The following TRIM14 variants were observed in gnomAD, a reference collection of about 807,000 sequenced individuals.
TRIM14 encodes tripartite motif containing 14.
A neutral mutation model predicts 44.5 loss-of-function variants in TRIM14; 28 were observed. The ratio of observed to expected loss-of-function variants is 0.63; its 90% confidence interval spans 0.47 to 0.86. The LOEUF is 0.86. Ranked by LOEUF, TRIM14 falls within the 40% of genes least tolerant of loss-of-function variation. The pLI, the probability that TRIM14 is intolerant of heterozygous loss-of-function variation, is 0.00. For missense variants in TRIM14, 607 were observed against 611.1 expected, an observed-to-expected ratio of 0.99 and a Z score of 0.07; for synonymous variants, 299 against 269.2, an observed-to-expected ratio of 1.11 and a Z score of -1.08.
At chr9:98,037,103 C>T in the TRIM14 span, among the ~76,000 whole-genome samples, 2 of 151,870 alleles carry the variant, frequency 1.3e-5, no homozygotes, top group East Asian at 3.9e-4. Context: ...AGGGGCCGGG[C>T]ACGGTGGCTC....
At position 98,087,895 on chromosome 9, in the gene TRIM14, C is replaced by T; in HGVS notation, c.904G>A (p.Val302Met). The T allele has an allele frequency of 1.1e-5, 17 of 1,569,416 alleles. No homozygotes were observed. The highest frequency in any genetic ancestry group is 1.5e-5 in the Non-Finnish European group (17 of 1,167,894). ...TGCCAGAGCGCGTCGAACCGCAGCA[C>T]GGGCACGGGCCCCAGGCTGCCCAGC... ...GLLGSLGPVP[V>M]LRFDALWQVL... Residue 302 changes from valine to methionine, a missense_variant, in exon 6 of 6, where the codon GTG becomes ATG. By Grantham distance (21) the Val-to-Met change is conservative. Transcript: ENST00000341469.
Position 98,078,311 on chromosome 9 carries a change from G to A in TRIM14, c.*29-8624C>T, listed in dbSNP as rs372198557. 6.9e-5 allele frequency: 111 copies of A among 1,613,776 alleles called. No individual in the cohort carries two copies. Among genetic ancestry groups the A allele is most frequent in the African/African-American group, 4.0e-4 (30 of 74,866 alleles). On this transcript the variant is annotated intron_variant, in intron 6 of 6. Transcript: ENST00000375098. ...TCTTGCAGTGTACCAGCGCATACCC[G>A]CTCCAGCCTGAGGACGTCAACCTGC... is the stretch of plus-strand genomic sequence containing the variant.
In TRIM14 at chr9:98,087,304, G is replaced by C. The variant is rs1250759638; in HGVS notation, c.*166C>G. On this transcript the variant is annotated 3_prime_UTR_variant, in exon 6 of 6. Coordinates refer to ENST00000341469, the MANE Select transcript of TRIM14 (RefSeq NM_014788.4). ...GGGCCTGTTTGAAACTAGCCTAGGAGAGGAAACCTTCAAAGCACTGTAGGC... is the reference window on the plus strand; with the variant it reads ...GGGCCTGTTTGAAACTAGCCTAGGACAGGAAACCTTCAAAGCACTGTAGGC... 1 of 1,103,228 alleles carries C rather than the reference G, an allele frequency of 9.1e-7. No individual in the cohort carries two copies. Among genetic ancestry groups the C allele is most frequent in the Non-Finnish European group, 1.4e-6 (1 of 714,114 alleles). The allele number at this position is 1,103,228 out of a possible 1,614,324, so 68.3% of individuals were successfully genotyped here.
intron 4 of TRIM14, among the ~76,000 whole-genome samples, chr9:98,094,198 G>A (rs1396167759): frequency 6.6e-6 from 1 of 152,238 alleles, no homozygotes; most frequent in Non-Finnish European, 1.5e-5. Flanking sequence ...CTTGATAAAT[G>A]TTCTGAATGA....
rs899658110 is a variant in TRIM14, at chr9:98,095,735, G to A, written c.538-706C>T. On this transcript the variant is annotated intron_variant, in intron 3 of 5. Transcript: ENST00000341469. The surrounding 1 kb of genome is among the most constrained non-coding windows in gnomAD (Gnocchi z 4.1). ...CAAGCCAAAGCGTGGATTTGGAAAT[G>A]ACGGTGAAGGTAGTGATGGTGGCAT... Among the ~76,000 whole-genome samples, 1 of 152,212 alleles carries A rather than the reference G, an allele frequency of 6.6e-6. No homozygotes were observed. The highest frequency in any genetic ancestry group is 2.4e-5 in the African/African-American group (1 of 41,458).
At chr9:98,114,657 A>G (rs1476876848) in intron 1 of TRIM14, among the ~76,000 whole-genome samples, 3 of 152,184 alleles carry the variant, frequency 2.0e-5, no homozygotes, top group East Asian at 1.9e-4. Flanking sequence ...TTTTAAAAAA[A>G]GTCGTTTATA....
At chr9:98,073,590 CTTT>C (rs34969073) in intron 6 of TRIM14, among the ~76,000 whole-genome samples, 1 of 141,670 alleles carries the variant, frequency 7.1e-6, no homozygotes. Flanking sequence ...GCCTGGGCTT[CTTT>C]TTTTTTTTTT....
intron 6 of TRIM14, among the ~76,000 whole-genome samples, chr9:98,070,179 A>G (rs1162734735): frequency 2.0e-5 from 3 of 152,136 alleles, no homozygotes; most frequent in Non-Finnish European, 1.5e-5. Context: ...GTGCAGTGGC[A>G]CGATTGTGGC....
chr9:98,079,623 G>A (rs1033495676), downstream of TRIM14, among the ~76,000 whole-genome samples: 4 of 151,846 alleles, frequency 2.6e-5, no homozygotes, highest in Non-Finnish European at 4.4e-5. Flanking sequence ...ATGTAATGTC[G>A]AAAGTAAACA....
the TRIM14 span, among the ~76,000 whole-genome samples, chr9:98,036,206 G>GA: frequency 1.3e-5 from 2 of 148,274 alleles, no homozygotes; most frequent in Non-Finnish European, 3.0e-5. Context: ...CAAAAAAACA[G>GA]AAAAAAAGAA....
the TRIM14 span, among the ~76,000 whole-genome samples, chr9:98,053,115 A>G: frequency 6.6e-6 from 1 of 152,366 alleles, no homozygotes; most frequent in South Asian, 2.1e-4. Context: ...TCACTCCCTA[A>G]GCCCCCTGAG....
intron 4 of TRIM14, among the ~76,000 whole-genome samples, chr9:98,092,893 G>A (rs1015795651): frequency 1.3e-5 from 2 of 152,166 alleles, no homozygotes; most frequent in African/African-American, 4.8e-5. Context: ...TGAGTGCACT[G>A]TGGCTCAGAG....
the TRIM14 span, chr9:98,056,742 G>T: frequency 6.4e-7 from 1 of 1,567,052 alleles, no homozygotes; most frequent in Admixed American, 1.9e-5. Context: ...ACAGAACAGA[G>T]TAGAGGCGGC....
downstream of TRIM14, among the ~76,000 whole-genome samples, chr9:98,065,360 TGG>T (rs1304735822): frequency 1.3e-4 from 18 of 139,810 alleles, 1 homozygote; most frequent in African/African-American, 4.9e-4. Flanking sequence ...TTGCCCAGGC[TGG>T]AGTGCAATCA....
At chr9:98,081,105 C>T (rs751205924), downstream of TRIM14, 9 of 1,612,846 alleles carry the variant, frequency 5.6e-6, no homozygotes, top group Non-Finnish European at 6.8e-6. Context: ...GGACTCTACT[C>T]GGTTCTGCTG....
downstream of TRIM14, among the ~76,000 whole-genome samples, chr9:98,080,223 TAATA>T (rs1365266574): frequency 3.3e-5 from 5 of 152,154 alleles, no homozygotes; most frequent in African/African-American, 9.7e-5. Context: ...CAAAAAGAAA[TAATA>T]AATAACAATA....
chr9:98,110,797 A>G (rs985742688), intron 1 of TRIM14, among the ~76,000 whole-genome samples: 5 of 151,482 alleles, frequency 3.3e-5, no homozygotes, highest in Non-Finnish European at 1.5e-5. Flanking sequence ...CTTGAGCCCA[A>G]GGAGTTCGAG....
chr9:98,116,631 A>G (rs1827061940), intron 1 of TRIM14, among the ~76,000 whole-genome samples: 1 of 151,824 alleles, frequency 6.6e-6, no homozygotes. Flanking sequence ...GAGCCCAGGA[A>G]TTCTAGACCA....
rs1320490038 is a variant in TRIM14, at chr9:98,087,908, C to T, written c.891G>A (p.Leu297=). ...CGAACCGCAGCACGGGCACGGGCCC[C>T]AGGCTGCCCAGCAGGCCGCAGCGCA... The part of the protein sequence containing the change: ...LTVRCGLLGS[L]GPVPVLRFDA... Residue 297 remains leucine (L), a synonymous_variant, in exon 6 of 6, where the codon CTG becomes CTA. Coordinates refer to ENST00000341469, the MANE Select transcript of TRIM14 (RefSeq NM_014788.4). 5 of 1,568,522 alleles carry T rather than the reference C, an allele frequency of 3.2e-6. No individual in the cohort carries two copies. The highest frequency in any genetic ancestry group is 1.4e-5 in the African/African-American group (1 of 71,158).
Sources: allele counts gnomAD v4.1 joint callset (sites outside exome capture counted in the v4.1 genomes callset), GRCh38; gene constraint gnomAD v4.1.1; non-coding constraint Gnocchi (gnomAD v3.1); transcripts MANE v1.5; gene names NCBI Gene and HGNC (gene_info 2026-07-23, HGNC 2026-07-21).